Variants in ATP8B2 observed in about 807,000 individuals in gnomAD.
The protein encoded by ATP8B2 is ATPase phospholipid transporting 8B2.
Under a neutral mutation model 133.4 loss-of-function variants are expected in ATP8B2, and 70 were observed. That is an observed-to-expected ratio of 0.52 (90% CI 0.43 to 0.64). ATP8B2 has a LOEUF of 0.64. Ranked by LOEUF, ATP8B2 falls within the 30% of genes least tolerant of loss-of-function variation. The pLI is 0.00. For missense variants in ATP8B2, 1,101 were observed against 1,535.7 expected, an observed-to-expected ratio of 0.72 and a Z score of 4.73; for synonymous variants, 517 against 589.5, an observed-to-expected ratio of 0.88 and a Z score of 1.78.
chr1:154,329,497 G>A (rs967685072), intron 2 of ATP8B2, among the ~76,000 whole-genome samples: 6 of 152,114 alleles, frequency 3.9e-5, no homozygotes, highest in Admixed American at 6.5e-5. Context: ...CCGGGGAGAC[G>A]GGCTGGGGAA....
chr1:154,343,720 T>C lies in ATP8B2; in HGVS notation c.1758+152T>C. The C allele has an allele frequency of 9.8e-7, 1 of 1,024,148 alleles. No homozygotes were observed. The highest frequency in any genetic ancestry group is 2.6e-5 in the East Asian group (1 of 38,602). The allele number at this position is 1,024,148 out of a possible 1,614,324, so 63.4% of individuals were successfully genotyped here. On this transcript the variant is annotated intron_variant, in intron 17 of 27. Transcript: ENST00000368489. The surrounding 1 kb of genome is among the most constrained non-coding windows in gnomAD (Gnocchi z 5.8). ...GAAGTGATTACTACAGTCAGACAAC[T>C]TAACACATCAGCCAGCTCCCATAGT...
chr1:154,342,591 A>C (rs1478567152), intron 14 of ATP8B2, 68 bp downstream of exon 14: 1 of 1,530,116 alleles, frequency 6.5e-7, no homozygotes, highest in Non-Finnish European at 9.1e-7. Flanking sequence ...CAGTGTAGTC[A>C]GGAGTGATGT....
chr1:154,347,902 T>G (rs1050330222), intron 26 of ATP8B2, among the ~76,000 whole-genome samples: 4 of 143,506 alleles, frequency 2.8e-5, no homozygotes, highest in African/African-American at 1.0e-4. Flanking sequence ...GATCGCGCCA[T>G]TGCACTCCAG....
chr1:154,339,794 G>C (rs190459252), intron 12 of ATP8B2, among the ~76,000 whole-genome samples: 1 of 152,174 alleles, frequency 6.6e-6, no homozygotes, highest in Non-Finnish European at 1.5e-5. Flanking sequence ...CCCATTGCTC[G>C]GCTGCACTGG....
rs772476158 is a variant in ATP8B2, at chr1:154,331,412, G to A, written c.304-32G>A. The A allele has an allele frequency of 6.2e-7, 1 of 1,608,842 alleles. No individual in the cohort carries two copies. Among genetic ancestry groups the A allele is most frequent in the South Asian group, 1.1e-5 (1 of 90,914 alleles). ...AACGAATTCCTTCGAGGCGGGGGAAGGTGTCTTACCTTTCAGTTTTCTTCT... is the reference window on the plus strand; with the variant it reads ...AACGAATTCCTTCGAGGCGGGGGAAAGTGTCTTACCTTTCAGTTTTCTTCT... On this transcript the variant is annotated intron_variant, in intron 5 of 27. Transcript: ENST00000368489. This position sits in a 1 kb window ranked among gnomAD's most constrained non-coding sequence, Gnocchi z 4.8.
At position 154,331,805 on chromosome 1, in the gene ATP8B2, C is replaced by A; in HGVS notation, c.438+127C>A. 1 of 1,301,126 alleles carries A rather than the reference C, an allele frequency of 7.7e-7. No homozygotes were observed. 80.6% of individuals were successfully genotyped at this position (1,301,126 alleles called of 1,614,324 possible). On this transcript the variant is annotated intron_variant, in intron 7 of 27. Coordinates refer to ENST00000368489, the MANE Select transcript of ATP8B2 (RefSeq NM_001370597.1). This position sits in a 1 kb window ranked among gnomAD's most constrained non-coding sequence, Gnocchi z 4.8. Reference sequence around the variant, plus strand: ...GCAGGAATCTTTCTCACACCAGGGGCTTCTGTGTCATGCTGATATGCCTGG... The same window carrying A: ...GCAGGAATCTTTCTCACACCAGGGGATTCTGTGTCATGCTGATATGCCTGG...
chr1:154,350,607 G>A lies in ATP8B2; in HGVS notation c.*1489G>A, dbSNP rs1400465429. On this transcript the variant is annotated 3_prime_UTR_variant, in exon 28 of 28. Transcript: ENST00000368489. ...CCCTCAGGCCCAGCCTCTGGCAAGA[G>A]GTGGTGGAATCCTTGTGCCGGGTAG... is the stretch of plus-strand genomic sequence containing the variant. The A allele has an allele frequency of 6.6e-6, 1 of 152,362 alleles. No homozygotes were observed. The highest frequency in any genetic ancestry group is 1.9e-4 in the East Asian group (1 of 5,198). 9.4% of individuals were successfully genotyped at this position (152,362 alleles called of 1,614,324 possible). A position where few individuals can be genotyped will look rare whatever the true frequency, so the allele number is the denominator to read the frequency against.
rs1340439381 is a variant in ATP8B2 at position 154,342,815 on chromosome 1, TCTC to T, written c.1310_1312del (p.Ser437del). 3.7e-6 allele frequency: 6 copies of T among 1,614,010 alleles called. No homozygotes were observed. The highest frequency in any genetic ancestry group is 3.3e-5 in the South Asian group (3 of 91,092). ...TTTCAGAGGCCTGAACCTGTTGACT[TCTC>T]CTTCAATCCTCTGGCTGACAAGAAG... On this transcript the variant is annotated inframe_deletion, in exon 15 of 28. Transcript: ENST00000368489.
At chr1:154,327,971 G>A (rs1174918315) in intron 1 of ATP8B2, 134 bp from the exon 2 acceptor site, 10 of 1,510,392 alleles carry the variant, frequency 6.6e-6, no homozygotes, top group Non-Finnish European at 9.2e-6. Flanking sequence ...GCAGTAAGAG[G>A]AGAGACTGGG....
Position 154,342,806 on chromosome 1 carries a change from C to CT in ATP8B2, c.1299dup (p.Val434CysfsTer2), listed in dbSNP as rs1558273655. The CT allele has an allele frequency of 6.2e-7, 1 of 1,614,028 alleles. No individual in the cohort carries two copies. The highest frequency in any genetic ancestry group is 1.7e-5 in the Admixed American group (1 of 60,002). On this transcript the variant is annotated frameshift_variant, in exon 15 of 28. Coordinates refer to ENST00000368489, the MANE Select transcript of ATP8B2 (RefSeq NM_001370597.1). LOFTEE classifies it high-confidence loss of function. ...TCTTATGTGTTTCAGAGGCCTGAAC[C>CT]TGTTGACTTCTCCTTCAATCCTCTG...
rs1686540936 is a variant in ATP8B2, at chr1:154,345,185, G to C, written c.2470+31G>C. 6.2e-7 allele frequency: 1 copy of C among 1,605,912 alleles called. No individual in the cohort carries two copies. The highest frequency in any genetic ancestry group is 1.3e-5 in the African/African-American group (1 of 74,772). On this transcript the variant is annotated intron_variant, in intron 22 of 27. Transcript: ENST00000368489. This position sits in a 1 kb window ranked among gnomAD's most constrained non-coding sequence, Gnocchi z 5.6. ...TGTGGGCTGTGCAGGTGTGTAGGCT[G>C]GGCTTGAGGCTGGGGAGGGGCCCAC...
At chr1:154,342,366 G>T in intron 13 of ATP8B2, 114 bp from the exon 14 acceptor site, 1 of 1,043,300 alleles carries the variant, frequency 9.6e-7, no homozygotes, top group Non-Finnish European at 1.5e-6. Flanking sequence ...GCTGCTCAGC[G>T]ATTAGGGTTG....
intron 11 of ATP8B2, among the ~76,000 whole-genome samples, chr1:154,335,154 C>T (rs11586379): frequency 0.3 from 44,996 of 152,094 alleles, 6,787 homozygotes; most frequent in Middle Eastern, 0.37. Context: ...TGGGGCTAGC[C>T]TCTGGTGAGC....
chr1:154,327,661 C>T, intron 1 of ATP8B2: 1 of 813,854 alleles, frequency 1.2e-6, no homozygotes, highest in African/African-American at 1.7e-5. Flanking sequence ...GGAGCCTGCC[C>T]ACCCTGTTTC....
At chr1:154,342,394 G>A (rs1686415307) in intron 13 of ATP8B2, 86 bp from the exon 14 acceptor site, 41 of 1,359,754 alleles carry the variant, frequency 3.0e-5, no homozygotes, top group Non-Finnish European at 4.3e-5. Flanking sequence ...CAGTGCCTAC[G>A]GGGATTCTGC....
chr1:154,343,349 C>A lies in ATP8B2; in HGVS notation c.1642+48C>A. The stretch of plus-strand genomic sequence containing the variant: ...GGGGCGTTTGGGGACAGCATTCAGG[C>A]CTGGAATGGGTGAAGTGTGCCGGGT... On this transcript the variant is annotated intron_variant, in intron 16 of 27. Transcript: ENST00000368489. The surrounding 1 kb of genome is among the most constrained non-coding windows in gnomAD (Gnocchi z 5.8). 3 of 1,607,644 alleles carry A rather than the reference C, an allele frequency of 1.9e-6. No homozygotes were observed. The highest frequency in any genetic ancestry group is 2.6e-6 in the Non-Finnish European group (3 of 1,175,476).
intron 12 of ATP8B2, among the ~76,000 whole-genome samples, chr1:154,339,312 T>G (rs1686297582): frequency 6.6e-6 from 1 of 152,202 alleles, no homozygotes; most frequent in Admixed American, 6.5e-5. Flanking sequence ...AAATCCACGG[T>G]CACTCAGGGC....
intron 9 of ATP8B2, among the ~76,000 whole-genome samples, chr1:154,333,382 T>C (rs1686068676): frequency 1.3e-5 from 2 of 151,014 alleles, no homozygotes; most frequent in South Asian, 4.2e-4. Flanking sequence ...TGTGCATCTG[T>C]AGTCCCAGCT....
At position 154,343,010 on chromosome 1, in the gene ATP8B2, GGCTCT is replaced by G. The variant is rs748769937; in HGVS notation, c.1453+62_1453+66del. 2.2e-5 allele frequency: 36 copies of G among 1,605,312 alleles called. No individual in the cohort carries two copies. Among genetic ancestry groups the G allele is most frequent in the African/African-American group, 1.2e-4 (9 of 74,790 alleles). ...CTCTCCTGACCTGACTCTGCCCTTG[GGCTCT>G]GCTCTGCTCTGCAATGCGGCTGGGC... is the stretch of plus-strand genomic sequence containing the variant. On this transcript the variant is annotated intron_variant, in intron 15 of 27. Coordinates refer to ENST00000368489, the MANE Select transcript of ATP8B2 (RefSeq NM_001370597.1). This position sits in a 1 kb window ranked among gnomAD's most constrained non-coding sequence, Gnocchi z 5.8.
Sources: gnomAD v4.1 joint callset for allele counts (sites outside exome capture counted in the v4.1 genomes callset) on GRCh38, gnomAD v4.1.1 for gene constraint, Gnocchi (gnomAD v3.1) non-coding constraint, MANE v1.5 for transcripts, NCBI Gene and HGNC (gene_info 2026-07-23, HGNC 2026-07-21) for gene names.